MYOM2: variants seen among roughly 807,000 people sequenced by gnomAD.
MYOM2 encodes the protein myomesin 2, also known as myomesin-2.
A neutral mutation model predicts 187.6 loss-of-function variants in MYOM2; 254 were observed. The ratio of observed to expected loss-of-function variants is 1.35; its 90% CI spans 1.22 to 1.50. MYOM2 has a LOEUF of 1.50. MYOM2 is among the 40% of genes most tolerant of loss of function. The pLI is 0.00. For synonymous variants in MYOM2, 981 were observed against 753.8 expected (o/e 1.30, Z -4.94); for missense variants, 2,796 against 1,924.0 (o/e 1.45, Z -8.48).
chr8:2,129,067 T>G, intron 31 of MYOM2, 60 bp from the exon 32 acceptor site: 1 of 1,289,144 alleles, frequency 7.8e-7, no homozygotes, highest in Non-Finnish European at 1.1e-6. Context: ...CGCGATGCTT[T>G]CTGTGATCAC....
At chr8:2,121,723 C>A (rs10095292) in intron 28 of MYOM2, among the ~76,000 whole-genome samples, 110,875 of 152,052 alleles carry the variant, frequency 0.73, 40,472 homozygotes, top group East Asian at 0.8. Flanking sequence ...TTAAAAGTTT[C>A]AGACACAGAG....
In MYOM2 at chr8:2,109,441, G is replaced by A. The variant is rs778957803; in HGVS notation, c.3090G>A (p.Gly1030=). The change falls in exon 25 of 37, where the codon GGG becomes GGA. Residue 1030 remains glycine (G), a synonymous_variant. Transcript: ENST00000262113. ...TAGCTTATGAGATTTTTGATAAGGG[G>A]CGGGTTCGCTTCTGGCTCCAGGCTG... ...SELAYEIFDK[G]RVRFWLQAEH... The A allele has an allele frequency of 6.2e-7, 1 of 1,612,478 alleles. No individual in the cohort carries two copies. The highest frequency in any genetic ancestry group is 1.3e-5 in the African/African-American group (1 of 74,774).
rs747240145 is a variant in MYOM2 at position 2,057,342 on chromosome 8, C to T, written c.264-6C>T. The T allele has an allele frequency of 1.3e-6, 2 of 1,597,018 alleles. No homozygotes were observed. Among genetic ancestry groups the T allele is most frequent in the Non-Finnish European group, 1.7e-6 (2 of 1,171,470 alleles). ...TGCAACTGAGGCTGCTTCTCGGCTC[C>T]TGCAGGTACCAGTCCCTGGTGGCCG... On this transcript the variant is annotated splice_region_variant and splice_polypyrimidine_tract_variant and intron_variant, in intron 3 of 36. Coordinates refer to ENST00000262113, the MANE Select transcript of MYOM2 (RefSeq NM_003970.4).
rs146978277 is a variant in MYOM2 at position 2,092,197 on chromosome 8, C to T, written c.1829-149C>T. Reference sequence around the variant, plus strand: ...GCCCTCGGGTGGTCGGCCCGGGGCTCCTCTCCTACTCCTGGACCCCTTGTC... The same window carrying T: ...GCCCTCGGGTGGTCGGCCCGGGGCTTCTCTCCTACTCCTGGACCCCTTGTC... On this transcript the variant is annotated intron_variant, in intron 15 of 36. Coordinates refer to ENST00000262113, the MANE Select transcript of MYOM2 (RefSeq NM_003970.4). 65 of 923,890 alleles carry T rather than the reference C, an allele frequency of 7.0e-5. No homozygotes were observed. The East Asian group carries it at 1.6e-3, about 22-fold the overall frequency. The allele number at this position is 923,890 out of a possible 1,614,324, so 57.2% of individuals were successfully genotyped here. A position where few individuals can be genotyped will look rare whatever the true frequency, so the allele number is the denominator to read the frequency against.
At chr8:2,052,003 T>C (rs1380610632) in intron 2 of MYOM2, among the ~76,000 whole-genome samples, 155 bp from the exon 3 acceptor site, 4 of 152,182 alleles carry the variant, frequency 2.6e-5, no homozygotes, top group African/African-American at 9.7e-5. Context: ...TGTGTGTAGG[T>C]GCATGCCTCT....
intron 3 of MYOM2, among the ~76,000 whole-genome samples, chr8:2,053,895 G>A (rs1331189985): frequency 1.3e-5 from 2 of 152,206 alleles, no homozygotes; most frequent in South Asian, 2.1e-4. Context: ...GGGGAAGATC[G>A]TTTTGAAATC....
Position 2,102,699 on chromosome 8 carries a change from C to T in MYOM2, c.2652C>T (p.Val884=), listed in dbSNP as rs1463033237. 3 of 1,613,950 alleles carry T rather than the reference C, an allele frequency of 1.9e-6. No homozygotes were observed. The highest frequency in any genetic ancestry group is 2.7e-5 in the African/African-American group (2 of 75,054). The change falls in exon 21 of 37, where the codon GTC becomes GTT. Residue 884 remains valine, a synonymous_variant. Transcript: ENST00000262113. ...ACCTGCAGCAAGGTAAGACCTATGTCTTCAGGGTCCGGGCAGTCAATGCAA... is the reference window on the plus strand; with the variant it reads ...ACCTGCAGCAAGGTAAGACCTATGTTTTCAGGGTCCGGGCAGTCAATGCAA... ...VSDLQQGKTY[V]FRVRAVNANG...
chr8:2,116,880 C>T (rs563813600), intron 27 of MYOM2, among the ~76,000 whole-genome samples: 134 of 152,234 alleles, frequency 8.8e-4, no homozygotes, highest in African/African-American at 3.0e-3. Context: ...GCCTCAGCCT[C>T]CCGAATAGCT....
intron 21 of MYOM2, among the ~76,000 whole-genome samples, chr8:2,105,585 G>A (rs905902022): frequency 6.6e-6 from 1 of 152,202 alleles, no homozygotes; most frequent in African/African-American, 2.4e-5. Flanking sequence ...ATTCCAGAGA[G>A]AACAGGATCT....
intron 15 of MYOM2, among the ~76,000 whole-genome samples, chr8:2,090,710 A>G (rs1796271220): frequency 6.6e-6 from 1 of 152,150 alleles, no homozygotes; most frequent in South Asian, 2.1e-4. Context: ...ATGAGTGAGA[A>G]CATTTGGTAT....
intron 16 of MYOM2, among the ~76,000 whole-genome samples, chr8:2,092,837 G>A (rs1014406896): frequency 7.2e-5 from 11 of 152,192 alleles, no homozygotes; most frequent in Non-Finnish European, 4.4e-5. Flanking sequence ...TGACTACGAT[G>A]TGAAAGTCGT....
intron 15 of MYOM2, 99 bp from the exon 16 acceptor site, chr8:2,092,247 C>G (rs1796329378): frequency 1.4e-6 from 2 of 1,392,620 alleles, no homozygotes; most frequent in South Asian, 1.3e-5. Context: ...AGCCCCCAGT[C>G]TGGCTGTCCA....
In MYOM2 at chr8:2,109,439, G is replaced by A. The variant is rs1273016042; in HGVS notation, c.3088G>A (p.Gly1030Arg). The A allele has an allele frequency of 6.2e-7, 1 of 1,612,248 alleles. No homozygotes were observed. The highest frequency in any genetic ancestry group is 8.5e-7 in the Non-Finnish European group (1 of 1,179,290). ...ATTAGCTTATGAGATTTTTGATAAG[G>A]GGCGGGTTCGCTTCTGGCTCCAGGC... The part of the protein sequence containing the change: ...SELAYEIFDK[G>R]RVRFWLQAEH... The change falls in exon 25 of 37, where the codon GGG (glycine) becomes AGG (arginine). Residue 1030 changes from glycine to arginine, a missense_variant. Gly to Arg is a moderately radical substitution (Grantham distance 125). Coordinates refer to ENST00000262113, the MANE Select transcript of MYOM2 (RefSeq NM_003970.4).
At chr8:2,112,268 TAAAAC>T (rs1400440392) in intron 25 of MYOM2, among the ~76,000 whole-genome samples, 1 of 151,832 alleles carries the variant, frequency 6.6e-6, no homozygotes, top group South Asian at 2.1e-4. Flanking sequence ...CAGGTTATAT[TAAAAC>T]AGTACAGTAA....
At chr8:2,094,380 G>A (rs1302755552) in intron 17 of MYOM2, among the ~76,000 whole-genome samples, 1 of 152,188 alleles carries the variant, frequency 6.6e-6, no homozygotes, top group African/African-American at 2.4e-5. Context: ...GTAGGCTGGC[G>A]CAATGGCTCA....
At chr8:2,051,359 C>A (rs1477478952) in intron 2 of MYOM2, among the ~76,000 whole-genome samples, 2 of 152,138 alleles carry the variant, frequency 1.3e-5, no homozygotes, top group Non-Finnish European at 2.9e-5. Context: ...GCACCTGCAT[C>A]TTCCGGAAGC....
At chr8:2,140,216 T>C (rs7820485) in intron 32 of MYOM2, among the ~76,000 whole-genome samples, 232 of 152,304 alleles carry the variant, frequency 1.5e-3, no homozygotes, top group African/African-American at 5.3e-3. Context: ...TTCATGCACA[T>C]TGCAGGAGGT....
intron 13 of MYOM2, among the ~76,000 whole-genome samples, chr8:2,083,427 G>A (rs1376474137): frequency 6.6e-6 from 1 of 151,812 alleles, no homozygotes; most frequent in African/African-American, 2.4e-5. Context: ...GTGCTTAGCA[G>A]TATCTCATGT....
In MYOM2 at chr8:2,143,456, G is replaced by C. The variant is rs1585986474; in HGVS notation, c.4080G>C (p.Lys1360Asn). The change falls in exon 36 of 37, where the codon AAG (lysine) becomes AAC (asparagine). Residue 1360 changes from lysine (K) to asparagine (N), a missense_variant and splice_region_variant. Lys to Asn is a moderately conservative substitution (Grantham distance 94, BLOSUM62 0). Transcript: ENST00000262113. ...ACGTGGTGACCATCATGGAAGGGAA[G>C]GTGAGGATTCTAAACTCGGCCGGGG... ...LPDVVTIMEG[K>N]TLNLTCTVFG... 6.2e-7 allele frequency: 1 copy of C among 1,614,136 alleles called. No homozygotes were observed. Among genetic ancestry groups the C allele is most frequent in the African/African-American group, 1.3e-5 (1 of 75,028 alleles).
Sources: allele counts gnomAD v4.1 joint callset (sites outside exome capture counted in the v4.1 genomes callset), GRCh38; gene constraint gnomAD v4.1.1; transcripts MANE v1.5; gene names NCBI Gene and HGNC (gene_info 2026-07-23, HGNC 2026-07-21).